Variants in ELMO1 observed in about 807,000 individuals in gnomAD.
ELMO1 encodes engulfment and cell motility protein 1.
A neutral mutation model predicts 98.9 loss-of-function variants in ELMO1; 26 were observed. The ratio of observed to expected loss-of-function variants is 0.26; its 90% CI spans 0.19 to 0.36. The LOEUF (loss-of-function observed/expected upper bound fraction) is 0.36, where lower values mean the gene tolerates loss of function less well. ELMO1 is among the 10% of genes least tolerant of loss of function. The pLI is 1.00. For synonymous variants in ELMO1, 346 were observed against 346.0 expected (o/e 1.00, Z 0.00); for missense variants, 627 against 935.2 (o/e 0.67, Z 4.30).
chr7:37,331,166 T>C (rs866535899), intron 2 of ELMO1, among the ~76,000 whole-genome samples: 9 of 133,022 alleles, frequency 6.8e-5, no homozygotes, highest in African/African-American at 1.8e-4. Context: ...GAAAAACTAC[T>C]GCATTTTTCT....
chr7:37,339,297 C>T (rs975199327), intron 2 of ELMO1, among the ~76,000 whole-genome samples: 1 of 152,196 alleles, frequency 6.6e-6, no homozygotes, highest in Admixed American at 6.5e-5. Context: ...TTTGTACAAG[C>T]TCCCTGGATG....
intron 4 of ELMO1, among the ~76,000 whole-genome samples, chr7:37,313,657 G>A (rs1275751420): frequency 6.6e-6 from 1 of 152,182 alleles, no homozygotes; most frequent in Non-Finnish European, 1.5e-5. Flanking sequence ...TCAGGCCTTT[G>A]AGGCCTCTCT....
At chr7:37,427,047 C>A (rs1434316316) in intron 1 of ELMO1, among the ~76,000 whole-genome samples, 1 of 151,846 alleles carries the variant, frequency 6.6e-6, no homozygotes, top group African/African-American at 2.4e-5. Flanking sequence ...ACAAACTAAC[C>A]TTTGCAAACA....
rs1209023342 is a variant in ELMO1 at position 36,887,620 on chromosome 7, G to A, written c.1654C>T (p.Arg552Cys). 3 of 1,613,966 alleles carry A rather than the reference G, an allele frequency of 1.9e-6. No individual in the cohort carries two copies. Among genetic ancestry groups the A allele is most frequent in the African/African-American group, 1.3e-5 (1 of 74,912 alleles). Residue 552 changes from arginine to cysteine, a missense_variant, in exon 18 of 22, where the codon CGC becomes TGC. Transcript: ENST00000310758. The part of the protein sequence containing the change: ...PEILELIKQQ[R>C]LNRLVEGTCF... ...GTCCCTTCCACAAGGCGGTTCAGGCGTTGCTGTTTGATCAGCTCTAAGATT... is the reference window on the plus strand; with the variant it reads ...GTCCCTTCCACAAGGCGGTTCAGGCATTGCTGTTTGATCAGCTCTAAGATT...
intron 15 of ELMO1, among the ~76,000 whole-genome samples, chr7:37,059,503 T>G (rs1796558393): frequency 6.6e-6 from 1 of 152,238 alleles, no homozygotes; most frequent in African/African-American, 2.4e-5. Context: ...CAGAAGCCAT[T>G]TCTGTGTTTC....
intron 2 of ELMO1, among the ~76,000 whole-genome samples, chr7:37,322,203 C>T (rs528473233): frequency 4.0e-5 from 6 of 151,640 alleles, no homozygotes; most frequent in East Asian, 2.0e-4. Context: ...TTGGGCTGGA[C>T]GTGGTGGCCC....
intron 15 of ELMO1, among the ~76,000 whole-genome samples, chr7:37,035,363 T>C (rs1237796969): frequency 6.6e-6 from 1 of 152,222 alleles, no homozygotes; most frequent in Non-Finnish European, 1.5e-5. Flanking sequence ...TCTTTTTTGG[T>C]TGGATCATAT....
intron 16 of ELMO1, among the ~76,000 whole-genome samples, chr7:36,987,985 T>C (rs1791630402): frequency 6.6e-6 from 1 of 152,214 alleles, no homozygotes; most frequent in African/African-American, 2.4e-5. Flanking sequence ...CTCAAACTCC[T>C]GACCTCAGGT....
chr7:37,132,175 G>A (rs1786968763), intron 14 of ELMO1, among the ~76,000 whole-genome samples: 1 of 152,196 alleles, frequency 6.6e-6, no homozygotes, highest in South Asian at 2.1e-4. Context: ...TGATGATAGT[G>A]CCAGGCTCGA....
chr7:37,337,306 C>T (rs1800465645), intron 2 of ELMO1, among the ~76,000 whole-genome samples: 2 of 151,726 alleles, frequency 1.3e-5, no homozygotes, highest in Admixed American at 6.6e-5. Context: ...TGTTCTCACT[C>T]ATAGGTGGGA....
chr7:36,902,099 G>T (rs1365303953), intron 16 of ELMO1, among the ~76,000 whole-genome samples: 1 of 152,154 alleles, frequency 6.6e-6, no homozygotes, highest in African/African-American at 2.4e-5. Flanking sequence ...GGTCCTGTGG[G>T]GTCAGCCTTA....
chr7:36,872,277 A>G (rs1374255706), intron 19 of ELMO1, among the ~76,000 whole-genome samples: 3 of 152,206 alleles, frequency 2.0e-5, no homozygotes, highest in Admixed American at 6.5e-5. Flanking sequence ...CAGGGAGGAC[A>G]AGGTGACGAT....
At chr7:37,126,557 T>C (rs960654903) in intron 14 of ELMO1, among the ~76,000 whole-genome samples, 17 of 152,084 alleles carry the variant, frequency 1.1e-4, no homozygotes, top group Non-Finnish European at 2.2e-4. Flanking sequence ...CTCAATATAT[T>C]GTGAAAAACT....
chr7:37,187,639 C>T (rs1791295712), intron 13 of ELMO1, among the ~76,000 whole-genome samples: 1 of 152,074 alleles, frequency 6.6e-6, no homozygotes. Flanking sequence ...TATTATCAGT[C>T]ATCTACTCCA....
intron 1 of ELMO1, among the ~76,000 whole-genome samples, chr7:37,396,918 G>C (rs536320937): frequency 1.3e-5 from 2 of 152,314 alleles, no homozygotes; most frequent in South Asian, 4.1e-4. Flanking sequence ...GGAGTAATAA[G>C]AGGACAATTG....
At chr7:37,131,480 A>G (rs534844006) in intron 14 of ELMO1, among the ~76,000 whole-genome samples, 7 of 152,364 alleles carry the variant, frequency 4.6e-5, no homozygotes, top group Admixed American at 1.3e-4. Context: ...TATGCAATTA[A>G]CAATACATTC....
intron 4 of ELMO1, among the ~76,000 whole-genome samples, chr7:37,280,096 T>C (rs1015731707): frequency 4.7e-4 from 72 of 152,124 alleles, no homozygotes; most frequent in Non-Finnish European, 1.6e-4. Flanking sequence ...AAACATAAAG[T>C]GGGGAGAGAA....
intron 8 of ELMO1, among the ~76,000 whole-genome samples, chr7:37,225,569 G>A (rs1447680916): frequency 6.6e-6 from 1 of 152,148 alleles, no homozygotes; most frequent in Non-Finnish European, 1.5e-5. Context: ...TCTCTTAAAC[G>A]AAAAACTCGT....
chr7:37,028,241 C>T (rs1353077447), intron 15 of ELMO1, among the ~76,000 whole-genome samples: 1 of 152,120 alleles, frequency 6.6e-6, no homozygotes, highest in African/African-American at 2.4e-5. Context: ...TTTTGCTGCT[C>T]ACTGGAGAAG....
Sources: allele counts gnomAD v4.1 joint callset (sites outside exome capture counted in the v4.1 genomes callset), GRCh38; gene constraint gnomAD v4.1.1; transcripts MANE v1.5; gene names NCBI Gene and HGNC (gene_info 2026-07-23, HGNC 2026-07-21).